The following TFG variants were observed in gnomAD, a reference collection of about 807,000 sequenced individuals.
The protein encoded by TFG is protein TFG.
TFG carries 22 observed loss-of-function variants against 51.4 expected under a neutral mutation model. That is an observed-to-expected ratio of 0.43 (90% CI 0.31 to 0.61). TFG has a LOEUF of 0.61. Among genes scored for constraint, TFG ranks in the 20% least tolerant of loss-of-function variants. The pLI, the probability that TFG is intolerant of heterozygous loss-of-function variation, is 0.12. For synonymous variants in TFG, 187 were observed against 165.6 expected (o/e 1.13, Z -0.99); for missense variants, 419 against 487.7 (o/e 0.86, Z 1.33).
intron 3 of TFG, among the ~76,000 whole-genome samples, chr3:100,721,508 C>G (rs2095060715): frequency 6.6e-6 from 1 of 152,146 alleles, no homozygotes; most frequent in Non-Finnish European, 1.5e-5. Context: ...ACTCTTATAC[C>G]TTGGGCCGTC....
intron 6 of TFG, among the ~76,000 whole-genome samples, chr3:100,741,089 T>A (rs1308779610): frequency 6.6e-6 from 1 of 152,180 alleles, no homozygotes; most frequent in African/African-American, 2.4e-5. Flanking sequence ...TACTTGATAA[T>A]GATGATAGGT....
At chr3:100,736,538 G>A (rs938931903) in intron 5 of TFG, 38 bp from the exon 6 acceptor site, 1 of 1,607,738 alleles carries the variant, frequency 6.2e-7, no homozygotes, top group African/African-American at 1.3e-5. Context: ...GGAAGGCCTT[G>A]TGTTGGATAC....
At chr3:100,719,830 C>A in intron 2 of TFG, 145 bp from the exon 3 acceptor site, 1 of 520,490 alleles carries the variant, frequency 1.9e-6, no homozygotes, top group South Asian at 3.1e-5. Flanking sequence ...TTTGCTAGAC[C>A]TTTAAAGTTT....
intron 1 of TFG, among the ~76,000 whole-genome samples, chr3:100,712,566 T>C (rs2095034099): frequency 6.6e-6 from 1 of 152,188 alleles, no homozygotes; most frequent in African/African-American, 2.4e-5. Context: ...AGGAACATCT[T>C]GGCCTTGAGA....
intron 2 of TFG, among the ~76,000 whole-genome samples, chr3:100,719,560 C>G (rs1220597878): frequency 6.6e-6 from 1 of 152,188 alleles, no homozygotes; most frequent in Non-Finnish European, 1.5e-5. Flanking sequence ...GTGTTTTACT[C>G]TACCTATGAT....
At chr3:100,746,448 T>A (rs1246478886) in intron 7 of TFG, among the ~76,000 whole-genome samples, 1 of 152,166 alleles carries the variant, frequency 6.6e-6, no homozygotes, top group Non-Finnish European at 1.5e-5. Context: ...TCATTCTGCA[T>A]TCTACAACCT....
At chr3:100,744,964 G>GT in intron 7 of TFG, 33 bp downstream of exon 7, 1 of 1,458,730 alleles carries the variant, frequency 6.9e-7, no homozygotes, top group Admixed American at 1.8e-5. Flanking sequence ...TTGGCTCATG[G>GT]TTTTTTGTTT....
chr3:100,717,898 G>A (rs762325030), intron 2 of TFG, among the ~76,000 whole-genome samples: 4 of 152,010 alleles, frequency 2.6e-5, no homozygotes, highest in Non-Finnish European at 4.4e-5. Context: ...GCTCTGGCTA[G>A]TACTTGCTTA....
chr3:100,742,988 C>T (rs747193334), intron 6 of TFG: 36 of 152,114 alleles, frequency 2.4e-4, no homozygotes, highest in Admixed American at 1.1e-3. Context: ...TTGATGACCA[C>T]AGTCTACTAC....
At chr3:100,744,954 T>G in intron 7 of TFG, 23 bp downstream of exon 7, 5 of 1,541,372 alleles carry the variant, frequency 3.2e-6, no homozygotes, top group Non-Finnish European at 4.5e-6. Flanking sequence ...TGAAAGGGAG[T>G]TGGCTCATGG....
At chr3:100,739,848 C>CTT (rs1269741539) in intron 6 of TFG, among the ~76,000 whole-genome samples, 1 of 152,086 alleles carries the variant, frequency 6.6e-6, no homozygotes, top group Non-Finnish European at 1.5e-5. Flanking sequence ...CATGCTGTTA[C>CTT]TTAACAGTGA....
At chr3:100,741,371 G>C (rs1477198865) in intron 6 of TFG, among the ~76,000 whole-genome samples, 1 of 151,998 alleles carries the variant, frequency 6.6e-6, no homozygotes, top group Non-Finnish European at 1.5e-5. Flanking sequence ...GTGTATGTTT[G>C]TGTCATAATT....
chr3:100,747,434 T>C (rs2095139814), intron 7 of TFG: 1 of 152,484 alleles, frequency 6.6e-6, no homozygotes, highest in Non-Finnish European at 1.5e-5. Flanking sequence ...AATGGAGAGG[T>C]TTCATTGCAA....
In TFG at chr3:100,748,482, G is replaced by T; in HGVS notation, c.1154G>T (p.Arg385Leu). ...PSGPNPYARNRPPFGQGYTQP... is the reference protein window; with the variant it reads ...PSGPNPYARNLPPFGQGYTQP... ...GGGCCTAATCCTTATGCGCGTAACC[G>T]TCCTCCCTTTGGTCAGGGCTATACC... is the stretch of plus-strand genomic sequence containing the variant. Residue 385 changes from arginine to leucine, a missense_variant, in exon 8 of 8, where the codon CGT becomes CTT. Arg to Leu is a moderately radical substitution (Grantham distance 102). Coordinates refer to ENST00000240851, the MANE Select transcript of TFG (RefSeq NM_006070.6). 1 of 1,613,928 alleles carries T rather than the reference G, an allele frequency of 6.2e-7. No individual in the cohort carries two copies. The highest frequency in any genetic ancestry group is 8.5e-7 in the Non-Finnish European group (1 of 1,179,944).
In TFG at chr3:100,711,818, A is replaced by AC. The variant is rs1362022669; in HGVS notation, c.-43-1825_-43-1824insC. 6.6e-3 allele frequency among the ~76,000 whole-genome samples: 1,013 copies of AC among 152,334 alleles called. 10 individuals are homozygous for AC. The highest frequency in any genetic ancestry group is 0.022 in the African/African-American group (918 of 41,566). On this transcript the variant is annotated intron_variant, in intron 1 of 7. Coordinates refer to ENST00000240851, the MANE Select transcript of TFG (RefSeq NM_006070.6). ...GCTGCCAGAGCAAGCAAGATGGAAT[A>AC]TTTACCATCTTGGTGAAGTAATTAT...
At chr3:100,724,886 G>A (rs947326710) in intron 3 of TFG, among the ~76,000 whole-genome samples, 20 of 152,116 alleles carry the variant, frequency 1.3e-4, no homozygotes, top group Admixed American at 1.2e-3. Flanking sequence ...TTGAAAAGTC[G>A]TAGCAAACTA....
At chr3:100,748,072 C>G in intron 7 of TFG, 77 bp from the exon 8 acceptor site, 1 of 1,459,658 alleles carries the variant, frequency 6.9e-7, no homozygotes, top group Non-Finnish European at 9.3e-7. Context: ...TTTGGTCCAC[C>G]TAACAGTAAG....
chr3:100,713,729 C>G lies in TFG; in HGVS notation c.44C>G (p.Ala15Gly). Residue 15 changes from alanine to glycine, a missense_variant, in exon 2 of 8, where the codon GCT (alanine) becomes GGT (glycine). By Grantham distance (60) the Ala-to-Gly change is moderately conservative (BLOSUM62 0). Around this residue, in one of 3 missense-constraint regions of TFG, gnomAD observed 22 missense variants for 27.5 expected, o/e 0.80. Transcript: ENST00000240851. ...CTAAGTGGGAAGCTAATCATCAAAGCTCAACTTGGGGAGGATATTCGGCGA... is the reference window on the plus strand; with the variant it reads ...CTAAGTGGGAAGCTAATCATCAAAGGTCAACTTGGGGAGGATATTCGGCGA... ...LDLSGKLIIK[A>G]QLGEDIRRIP... 6.2e-7 allele frequency: 1 copy of G among 1,610,344 alleles called. No homozygotes were observed. Among genetic ancestry groups the G allele is most frequent in the Non-Finnish European group, 8.5e-7 (1 of 1,177,676 alleles).
chr3:100,743,411 T>A (rs553106359), intron 6 of TFG: 1 of 152,346 alleles, frequency 6.6e-6, no homozygotes, highest in African/African-American at 2.4e-5. Flanking sequence ...AAGTTAGTTA[T>A]GAAGTACAAT....
Sources: allele counts gnomAD v4.1 joint callset (sites outside exome capture counted in the v4.1 genomes callset), GRCh38; gene constraint gnomAD v4.1.1; regional missense constraint gnomAD v4.1.1; transcripts MANE v1.5; gene names NCBI Gene and HGNC (gene_info 2026-07-23, HGNC 2026-07-21).